Variants in RALYL observed in about 807,000 individuals in gnomAD.
The protein encoded by RALYL is RNA-binding Raly-like protein.
Under a neutral mutation model 35.1 loss-of-function variants are expected in RALYL, and 29 were observed. The ratio of observed to expected loss-of-function variants is 0.83; its 90% CI spans 0.61 to 1.13. The LOEUF (loss-of-function observed/expected upper bound fraction) is 1.13. Ranked by LOEUF, RALYL falls within the 50% of genes most tolerant of loss-of-function variation. The pLI is 0.00. For missense variants in RALYL, 359 were observed against 360.4 expected, an observed-to-expected ratio of 1.00 and a Z score of 0.03; for synonymous variants, 120 against 127.6, an observed-to-expected ratio of 0.94 and a Z score of 0.40.
At chr8:84,705,296 C>T (rs1840995542) in intron 2 of RALYL, among the ~76,000 whole-genome samples, 1 of 152,082 alleles carries the variant, frequency 6.6e-6, no homozygotes, top group Non-Finnish European at 1.5e-5. Flanking sequence ...TAAACTGAGG[C>T]CCCAGGGGTT....
intron 1 of RALYL, among the ~76,000 whole-genome samples, chr8:84,299,534 T>C (rs2132339373): frequency 6.6e-6 from 1 of 152,068 alleles, no homozygotes; most frequent in South Asian, 2.1e-4. Context: ...ACAGTTTCAG[T>C]AGGAATGGTA....
In RALYL at chr8:84,593,884, A is replaced by G. The variant is rs114922932; in HGVS notation, c.256+64307A>G. Among the ~76,000 whole-genome samples, 559 of 152,148 alleles carry G rather than the reference A, an allele frequency of 3.7e-3. 4 individuals carry two copies. Among genetic ancestry groups the G allele is most frequent in the African/African-American group, 0.013 (544 of 41,538 alleles). ...TTTTGTCCAGATTTAACACACCATT[A>G]TATGCACTGCCCTTCCTCAGAACCT... On this transcript the variant is annotated intron_variant, in intron 2 of 8. Transcript: ENST00000521268.
intron 2 of RALYL, among the ~76,000 whole-genome samples, chr8:84,605,506 G>A (rs193144495): frequency 1.4e-4 from 21 of 152,152 alleles, no homozygotes; most frequent in Admixed American, 2.6e-4. Context: ...TCAATCAGCC[G>A]ATGATTTGAG....
intron 1 of RALYL, among the ~76,000 whole-genome samples, chr8:84,386,877 T>C (rs144880866): frequency 6.6e-5 from 10 of 151,966 alleles, no homozygotes; most frequent in Admixed American, 1.3e-4. Flanking sequence ...GCCTGTCCTT[T>C]TCACCTCAAT....
At chr8:84,397,641 C>T (rs2042476657) in intron 1 of RALYL, among the ~76,000 whole-genome samples, 1 of 152,068 alleles carries the variant, frequency 6.6e-6, no homozygotes, top group South Asian at 2.1e-4. Flanking sequence ...TAACTGAATC[C>T]CCAGATACCA....
At chr8:84,398,051 A>T (rs16912786) in intron 1 of RALYL, among the ~76,000 whole-genome samples, 4,296 of 152,286 alleles carry the variant, frequency 0.028, 196 homozygotes, top group African/African-American at 0.097. Flanking sequence ...TGCAACAAGA[A>T]GTGTTAAATG....
intron 1 of RALYL, among the ~76,000 whole-genome samples, chr8:84,429,292 T>C (rs774038347): frequency 2.0e-5 from 3 of 152,194 alleles, no homozygotes; most frequent in Non-Finnish European, 4.4e-5. Context: ...ACAGGCTGTT[T>C]GAGTACTTAC....
chr8:84,514,118 A>G (rs1433856861), intron 1 of RALYL, among the ~76,000 whole-genome samples: 1 of 137,178 alleles, frequency 7.3e-6, no homozygotes, highest in African/African-American at 2.7e-5. Context: ...AAAAAAAAGA[A>G]AGAAAGAAAG....
At chr8:84,397,776 C>T (rs141654729) in intron 1 of RALYL, among the ~76,000 whole-genome samples, 120 of 151,666 alleles carry the variant, frequency 7.9e-4, no homozygotes, top group African/African-American at 1.1e-3. Context: ...TTGCATCAGT[C>T]GCAGACAAGC....
At chr8:84,567,839 T>G (rs2135716587) in intron 2 of RALYL, among the ~76,000 whole-genome samples, 1 of 151,858 alleles carries the variant, frequency 6.6e-6, no homozygotes, top group Admixed American at 6.6e-5. Context: ...TCATAAGCAT[T>G]CCCTTTTCTC....
At chr8:84,480,908 T>G (rs1465362494) in intron 1 of RALYL, among the ~76,000 whole-genome samples, 1 of 152,124 alleles carries the variant, frequency 6.6e-6, no homozygotes, top group Non-Finnish European at 1.5e-5. Flanking sequence ...ATAGAGATAT[T>G]CAGAGAAAAA....
chr8:84,728,954 G>A (rs1466275498), intron 2 of RALYL, among the ~76,000 whole-genome samples: 4 of 152,178 alleles, frequency 2.6e-5, no homozygotes, highest in African/African-American at 9.7e-5. Flanking sequence ...ACTTAGCAAT[G>A]TGGGCTCTTT....
Position 84,423,504 on chromosome 8 carries a change from A to G in RALYL, c.-23-105795A>G, listed in dbSNP as rs537501560. Among the ~76,000 whole-genome samples the G allele has an allele frequency of 6.4e-4, 98 of 152,186 alleles. 1 individual carries two copies. In the Middle Eastern group the frequency reaches 0.02, roughly 32 times the overall value. ...CTGATGGATCTTGACTCTTTATCCA[A>G]TTTGCCAGTCTGTGTCTTTTAATTG... On this transcript the variant is annotated intron_variant, in intron 1 of 8. Coordinates refer to ENST00000521268, the MANE Select transcript of RALYL (RefSeq NM_173848.7).
chr8:84,538,101 A>G (rs1463898626), intron 2 of RALYL, among the ~76,000 whole-genome samples: 2 of 152,228 alleles, frequency 1.3e-5, no homozygotes, highest in Non-Finnish European at 2.9e-5. Context: ...GCAAGCCTCC[A>G]CGATAGAGTG....
chr8:84,542,260 G>T (rs563645557), intron 2 of RALYL, among the ~76,000 whole-genome samples: 3 of 151,960 alleles, frequency 2.0e-5, no homozygotes, highest in Admixed American at 6.6e-5. Context: ...TACCTGGATT[G>T]TTTTGAAGTA....
chr8:84,694,116 T>C (rs1838651963), intron 2 of RALYL, among the ~76,000 whole-genome samples: 1 of 151,752 alleles, frequency 6.6e-6, no homozygotes, highest in Non-Finnish European at 1.5e-5. Context: ...CCAAAGCAAT[T>C]GGGTAAGACA....
At chr8:84,531,303 T>C (rs2059262965) in intron 2 of RALYL, among the ~76,000 whole-genome samples, 1 of 152,156 alleles carries the variant, frequency 6.6e-6, no homozygotes, top group Non-Finnish European at 1.5e-5. Flanking sequence ...CATTAAAATG[T>C]AGGAGAAGTC....
intron 2 of RALYL, among the ~76,000 whole-genome samples, chr8:84,602,864 G>C (rs181857327): frequency 3.5e-4 from 53 of 152,128 alleles, no homozygotes; most frequent in African/African-American, 1.2e-3. Flanking sequence ...AAAGAAAATA[G>C]ATTTCTGTCT....
At chr8:84,444,294 A>T (rs1042772147) in intron 1 of RALYL, among the ~76,000 whole-genome samples, 2 of 152,086 alleles carry the variant, frequency 1.3e-5, no homozygotes, top group Non-Finnish European at 2.9e-5. Flanking sequence ...ATTTCTCTGC[A>T]CACTAGCCTG....
Sources: allele counts gnomAD v4.1 joint callset (sites outside exome capture counted in the v4.1 genomes callset), GRCh38; gene constraint gnomAD v4.1.1; transcripts MANE v1.5; gene names NCBI Gene and HGNC (gene_info 2026-07-23, HGNC 2026-07-21).